CSMD1: variants seen among roughly 807,000 people sequenced by gnomAD.
The protein encoded by CSMD1 is CUB and Sushi multiple domains 1.
In CSMD1, 213 loss-of-function variants were observed where a neutral mutation model predicts 417.5. That is an observed-to-expected ratio of 0.51 (90% CI 0.46 to 0.57). The LOEUF (loss-of-function observed/expected upper bound fraction) is 0.57, where lower values mean the gene tolerates loss of function less well. CSMD1 is among the 20% of genes least tolerant of loss of function. The pLI is 0.00. For synonymous variants in CSMD1, 2,862 were observed against 1,736.8 expected (o/e 1.65, Z -16.11); for missense variants, 6,923 against 4,529.7 (o/e 1.53, Z -15.17).
intron 12 of CSMD1, among the ~76,000 whole-genome samples, chr8:3,451,179 A>G (rs1310129869): frequency 6.6e-6 from 1 of 152,090 alleles, no homozygotes; most frequent in Admixed American, 6.6e-5. Flanking sequence ...TTCTTCTTGT[A>G]AATTTGTTTG....
intron 3 of CSMD1, among the ~76,000 whole-genome samples, chr8:4,101,828 G>T (rs889959976): frequency 1.2e-3 from 3 of 2,594 alleles, no homozygotes; most frequent in Admixed American, 0.013. Flanking sequence ...TACTCACTCC[G>T]CACATCTCTG....
At chr8:3,765,188 T>C (rs538347945) in intron 5 of CSMD1, among the ~76,000 whole-genome samples, 3 of 152,326 alleles carry the variant, frequency 2.0e-5, no homozygotes, top group African/African-American at 7.2e-5. Context: ...TCGTGAACCT[T>C]GTGTTCTGCC....
At chr8:4,036,172 G>T (rs1414761220) in intron 3 of CSMD1, among the ~76,000 whole-genome samples, 1 of 152,274 alleles carries the variant, frequency 6.6e-6, no homozygotes, top group East Asian at 1.9e-4. Flanking sequence ...TTGTGTAAGT[G>T]TGCTCTGTGA....
chr8:3,069,839 G>C (rs1055760721), intron 49 of CSMD1, among the ~76,000 whole-genome samples: 5 of 152,222 alleles, frequency 3.3e-5, no homozygotes, highest in African/African-American at 7.2e-5. Context: ...TTCTCTGTGA[G>C]GGCTCTGCAC....
intron 1 of CSMD1, among the ~76,000 whole-genome samples, chr8:4,975,517 C>A (rs1810499515): frequency 6.6e-6 from 1 of 152,118 alleles, no homozygotes. Context: ...AAGGCCAAAT[C>A]ACTTATTTTT....
At chr8:4,116,712 G>A (rs564736295) in intron 3 of CSMD1, among the ~76,000 whole-genome samples, 3 of 151,972 alleles carry the variant, frequency 2.0e-5, no homozygotes, top group African/African-American at 4.8e-5. Context: ...GCGCCATGCA[G>A]CAGGGCAGGT....
intron 6 of CSMD1, among the ~76,000 whole-genome samples, chr8:3,738,210 G>T (rs1796622051): frequency 6.6e-6 from 1 of 152,132 alleles, no homozygotes; most frequent in African/African-American, 2.4e-5. Flanking sequence ...TAAATTATAT[G>T]AAGTAGTGAA....
At chr8:4,075,558 G>A (rs1479857621) in intron 3 of CSMD1, among the ~76,000 whole-genome samples, 2 of 152,144 alleles carry the variant, frequency 1.3e-5, no homozygotes, top group Admixed American at 6.5e-5. Flanking sequence ...ATATGTAACT[G>A]GTAAAATATT....
At chr8:3,742,899 A>T (rs1242903214) in intron 6 of CSMD1, among the ~76,000 whole-genome samples, 1 of 152,206 alleles carries the variant, frequency 6.6e-6, no homozygotes, top group Non-Finnish European at 1.5e-5. Flanking sequence ...ATAACAGAGT[A>T]TTTCCGTGCG....
intron 3 of CSMD1, among the ~76,000 whole-genome samples, chr8:4,188,264 A>C (rs1798801104): frequency 6.6e-6 from 1 of 152,200 alleles, no homozygotes; most frequent in South Asian, 2.1e-4. Flanking sequence ...TTTGGAGGCC[A>C]CGCTTGCCCT....
intron 57 of CSMD1, among the ~76,000 whole-genome samples, chr8:2,970,351 T>C (rs908316595): frequency 2.0e-5 from 3 of 152,326 alleles, no homozygotes; most frequent in Non-Finnish European, 1.5e-5. Context: ...CTCAAGTGAA[T>C]GGCCATCTTT....
chr8:4,237,633 A>C (rs1010035039), intron 3 of CSMD1, among the ~76,000 whole-genome samples: 1 of 151,616 alleles, frequency 6.6e-6, no homozygotes, highest in African/African-American at 2.4e-5. Context: ...CTCCTGCCTC[A>C]CCCTTTCTAG....
chr8:4,817,632 T>C (rs1021864152), intron 1 of CSMD1, among the ~76,000 whole-genome samples: 6 of 152,266 alleles, frequency 3.9e-5, no homozygotes, highest in African/African-American at 1.4e-4. Flanking sequence ...GGAAACAATT[T>C]AATAACATGC....
chr8:3,605,457 A>T (rs1410632157), intron 8 of CSMD1, among the ~76,000 whole-genome samples: 2 of 152,226 alleles, frequency 1.3e-5, no homozygotes, highest in African/African-American at 4.8e-5. Context: ...TACTATAATA[A>T]CTATAAATAA....
chr8:4,229,461 A>G (rs1256201102), intron 3 of CSMD1, among the ~76,000 whole-genome samples: 1 of 152,200 alleles, frequency 6.6e-6, no homozygotes, highest in Non-Finnish European at 1.5e-5. Context: ...AAGACCCACA[A>G]TCACCAACAA....
At chr8:4,009,315 G>A (rs1013458163) in intron 4 of CSMD1, among the ~76,000 whole-genome samples, 19 of 152,138 alleles carry the variant, frequency 1.2e-4, no homozygotes, top group African/African-American at 4.6e-4. Flanking sequence ...CCTTTTGTGG[G>A]TATAAAACTT....
chr8:4,001,994 C>A (rs1217267833), intron 4 of CSMD1, among the ~76,000 whole-genome samples: 2 of 151,848 alleles, frequency 1.3e-5, no homozygotes, highest in African/African-American at 2.4e-5. Context: ...TAGAATCAGG[C>A]CAAAATAATA....
chr8:3,367,313 G>C (rs1034767825), intron 19 of CSMD1, 66 bp from the exon 20 acceptor site: 28 of 1,038,214 alleles, frequency 2.7e-5, no homozygotes, highest in Admixed American at 4.0e-5. Flanking sequence ...CGGGGGCAGA[G>C]AGGGAGCGGG....
At chr8:3,668,153 G>C (rs1002022301) in intron 7 of CSMD1, among the ~76,000 whole-genome samples, 1 of 152,116 alleles carries the variant, frequency 6.6e-6, no homozygotes, top group African/African-American at 2.4e-5. Context: ...CGAATCTACA[G>C]GGGTGTGCAG....
Sources: gnomAD v4.1 joint callset for allele counts (sites outside exome capture counted in the v4.1 genomes callset) on GRCh38, gnomAD v4.1.1 for gene constraint, MANE v1.5 for transcripts, NCBI Gene and HGNC (gene_info 2026-07-23, HGNC 2026-07-21) for gene names.